The following ZFHX3 variants were observed in gnomAD, a reference collection of about 807,000 sequenced individuals.
ZFHX3 encodes the protein zinc finger homeobox 3, also known as zinc finger homeobox protein 3.
A neutral mutation model predicts 279.1 loss-of-function variants in ZFHX3; 42 were observed. That is an observed-to-expected ratio of 0.15 (90% CI 0.12 to 0.19). The LOEUF (loss-of-function observed/expected upper bound fraction) is 0.19, where lower values mean the gene tolerates loss of function less well. Ranked by LOEUF, ZFHX3 falls within the 10% of genes least tolerant of loss-of-function variation. ZFHX3 has a pLI of 1.00. For missense variants in ZFHX3, 4,981 were observed against 4,754.0 expected, an observed-to-expected ratio of 1.05 and a Z score of -1.40; for synonymous variants, 2,293 against 1,957.8, an observed-to-expected ratio of 1.17 and a Z score of -4.52.
chr16:72,829,750 A>G, intron 5 of ZFHX3, 29 bp downstream of exon 5: 1 of 1,608,822 alleles, frequency 6.2e-7, no homozygotes, highest in Non-Finnish European at 8.5e-7. Flanking sequence ...CACACACACT[A>G]CCTGTCCACT....
Position 72,957,413 on chromosome 16 carries a change from G to T in ZFHX3, c.2719+14C>A, listed in dbSNP as rs750762916. 11 of 1,588,910 alleles carry T rather than the reference G, an allele frequency of 6.9e-6. No homozygotes were observed. In the Admixed American group the frequency reaches 1.0e-4, roughly 15 times the overall value. On this transcript the variant is annotated intron_variant, in intron 2 of 9. Coordinates refer to ENST00000268489, the MANE Select transcript of ZFHX3 (RefSeq NM_006885.4). ...TCCTATCATGAAAACAGACAAACAC[G>T]TAGTCATCCTCACCTAGAGCAGGCG...
intron 5 of ZFHX3, among the ~76,000 whole-genome samples, chr16:73,158,354 C>T (rs183817563): frequency 3.3e-5 from 5 of 152,252 alleles, no homozygotes; most frequent in Admixed American, 1.3e-4. Flanking sequence ...TAGTATTCTG[C>T]CAGTGCAAAG....
intron 1 of ZFHX3, among the ~76,000 whole-genome samples, chr16:73,728,849 G>A (rs1191970069): frequency 6.9e-6 from 1 of 145,158 alleles, no homozygotes; most frequent in African/African-American, 2.6e-5. Flanking sequence ...ACACACACAA[G>A]TGTAACTGCA....
At chr16:72,957,056 C>T (rs1041718231) in intron 2 of ZFHX3, among the ~76,000 whole-genome samples, 1 of 152,096 alleles carries the variant, frequency 6.6e-6, no homozygotes, top group Non-Finnish European at 1.5e-5. Context: ...GCTACAGTTT[C>T]CTGTAAGTTT....
At chr16:73,675,558 C>T (rs1202054163) in intron 2 of ZFHX3, among the ~76,000 whole-genome samples, 1 of 152,042 alleles carries the variant, frequency 6.6e-6, no homozygotes, top group Non-Finnish European at 1.5e-5. Flanking sequence ...ATCAGTTTCA[C>T]TGCCTTTATA....
intron 4 of ZFHX3, among the ~76,000 whole-genome samples, chr16:72,850,197 A>G (rs1290237741): frequency 6.6e-6 from 1 of 152,148 alleles, no homozygotes; most frequent in Non-Finnish European, 1.5e-5. Context: ...TCCTGACCCC[A>G]GCCTCCCCAA....
chr16:73,750,517 G>C (rs4887925), intron 1 of ZFHX3, among the ~76,000 whole-genome samples: 69,180 of 152,014 alleles, frequency 0.46, 16,224 homozygotes, highest in African/African-American at 0.57. Context: ...ATAACACAAT[G>C]AGGCACTGGT....
At chr16:73,483,472 A>G (rs1300228409) in intron 2 of ZFHX3, 1 of 436,194 alleles carries the variant, frequency 2.3e-6, no homozygotes, top group Non-Finnish European at 4.5e-6. Context: ...GTGCTCTGCC[A>G]ATTCAAATGG....
intron 7 of ZFHX3, among the ~76,000 whole-genome samples, chr16:72,803,049 C>G (rs1039521997): frequency 6.6e-6 from 1 of 152,142 alleles, no homozygotes; most frequent in Non-Finnish European, 1.5e-5. Context: ...ACCCAGCTGT[C>G]GGCCGGGTGC....
At chr16:72,843,313 A>T (rs909164981) in intron 4 of ZFHX3, among the ~76,000 whole-genome samples, 10 of 152,066 alleles carry the variant, frequency 6.6e-5, no homozygotes, top group African/African-American at 2.4e-4. Flanking sequence ...GATCGAGACC[A>T]TCCTGGCTAA....
chr16:72,885,102 G>C (rs1212768567), intron 4 of ZFHX3, among the ~76,000 whole-genome samples: 4 of 152,250 alleles, frequency 2.6e-5, no homozygotes, highest in African/African-American at 9.6e-5. Context: ...CAGCAGGCTT[G>C]TGTGCTTGTG....
At chr16:73,147,121 G>T (rs1269760120) in intron 5 of ZFHX3, among the ~76,000 whole-genome samples, 1 of 152,222 alleles carries the variant, frequency 6.6e-6, no homozygotes, top group Non-Finnish European at 1.5e-5. Context: ...AAGCCATGTT[G>T]CTTTGGCCAT....
At chr16:73,691,479 G>A (rs149956803) in intron 1 of ZFHX3, among the ~76,000 whole-genome samples, 2 of 152,276 alleles carry the variant, frequency 1.3e-5, no homozygotes, top group African/African-American at 4.8e-5. Context: ...AGACAAATAT[G>A]GATTTAAATC....
intron 1 of ZFHX3, among the ~76,000 whole-genome samples, chr16:73,886,626 C>A (rs2030354224): frequency 6.6e-6 from 1 of 152,164 alleles, no homozygotes. Flanking sequence ...CACAAATGTG[C>A]GTGTGAGCGA....
intron 7 of ZFHX3, among the ~76,000 whole-genome samples, chr16:73,113,409 A>G (rs1413990537): frequency 6.6e-6 from 1 of 152,240 alleles, no homozygotes; most frequent in Non-Finnish European, 1.5e-5. Context: ...GCCAGCTTTC[A>G]TAAAGCTGCC....
intron 4 of ZFHX3, among the ~76,000 whole-genome samples, chr16:73,263,653 G>A (rs62054687): frequency 0.29 from 44,230 of 151,986 alleles, 6,840 homozygotes; most frequent in Middle Eastern, 0.47. Context: ...ACAGACCATC[G>A]TCCTTCTGCA....
intron 7 of ZFHX3, among the ~76,000 whole-genome samples, chr16:73,095,507 C>T (rs757251481): frequency 6.6e-6 from 1 of 152,250 alleles, no homozygotes; most frequent in Non-Finnish European, 1.5e-5. Context: ...ATGTTGCCCA[C>T]AGCGGCCCAA....
At chr16:73,481,575 C>G (rs1221257101) in intron 2 of ZFHX3, among the ~76,000 whole-genome samples, 1 of 152,068 alleles carries the variant, frequency 6.6e-6, no homozygotes, top group Non-Finnish European at 1.5e-5. Flanking sequence ...GCTGGGACCA[C>G]AGGTGCATGC....
chr16:73,322,966 A>T (rs544395433), intron 3 of ZFHX3, among the ~76,000 whole-genome samples: 3 of 152,210 alleles, frequency 2.0e-5, no homozygotes, highest in Non-Finnish European at 4.4e-5. Flanking sequence ...TCAAAGACAC[A>T]TTGTTTACAT....
Sources: allele counts gnomAD v4.1 joint callset (sites outside exome capture counted in the v4.1 genomes callset), GRCh38; gene constraint gnomAD v4.1.1; transcripts MANE v1.5; gene names NCBI Gene and HGNC (gene_info 2026-07-23, HGNC 2026-07-21).